NTNG1: variants seen among roughly 807,000 people sequenced by gnomAD.
NTNG1 encodes netrin-G1.
In NTNG1, 16 loss-of-function variants were observed where a neutral mutation model predicts 54.0. The ratio of observed to expected loss-of-function variants is 0.30; its 90% CI spans 0.20 to 0.45. The LOEUF (loss-of-function observed/expected upper bound fraction) is 0.45, where lower values mean the gene tolerates loss of function less well. Ranked by LOEUF, NTNG1 falls within the 20% of genes least tolerant of loss-of-function variation. The pLI is 1.00. For missense variants in NTNG1, 530 were observed against 678.7 expected (o/e 0.78, Z 2.43); for synonymous variants, 255 against 263.1 (o/e 0.97, Z 0.30).
chr1:107,196,293 T>TG (rs1658320295), intron 2 of NTNG1, among the ~76,000 whole-genome samples: 1 of 152,016 alleles, frequency 6.6e-6, no homozygotes, highest in Admixed American at 6.6e-5. Flanking sequence ...CTAGGCTCTC[T>TG]GAGCCTCAGC....
At chr1:107,475,273 C>G (rs1253761631) in intron 7 of NTNG1, among the ~76,000 whole-genome samples, 2 of 152,146 alleles carry the variant, frequency 1.3e-5, no homozygotes, top group Non-Finnish European at 2.9e-5. Flanking sequence ...CCACATTTCT[C>G]CTGATTGTTC....
rs2819985 is a variant in NTNG1, at chr1:107,394,926, T to C, written c.888-228T>C. 7.5e-3 allele frequency among the ~76,000 whole-genome samples: 1,148 copies of C among 152,242 alleles called. 10 individuals are homozygous for C. Among genetic ancestry groups the C allele is most frequent in the African/African-American group, 0.024 (1,013 of 41,548 alleles). ...CCCACTGACTTGACTGCTATTCGGC[T>C]TTCTCAATGTACAGTGTAAGGACAG... On this transcript the variant is annotated intron_variant, in intron 3 of 7. Transcript: ENST00000370068.
At position 107,269,377 on chromosome 1, in the gene NTNG1, A is replaced by T. The variant is rs187953012; in HGVS notation, c.247-54905A>T. ...AAATCTTACTTTATCACCTAATTAA[A>T]ATAGTATCCTCATTTCTACCCTTGG... On this transcript the variant is annotated intron_variant, in intron 2 of 7. Coordinates refer to ENST00000370068, the MANE Select transcript of NTNG1 (RefSeq NM_001113226.3). 3.4e-4 allele frequency among the ~76,000 whole-genome samples: 52 copies of T among 152,232 alleles called. No homozygotes were observed. In the East Asian group the frequency reaches 9.5e-3, roughly 28 times the overall value.
At chr1:107,286,311 T>C (rs1192938700) in intron 2 of NTNG1, among the ~76,000 whole-genome samples, 1 of 152,154 alleles carries the variant, frequency 6.6e-6, no homozygotes, top group East Asian at 1.9e-4. Context: ...TTCATATTTC[T>C]CAGTAACAAC....
chr1:107,154,749 G>GAT (rs34011515), intron 2 of NTNG1, among the ~76,000 whole-genome samples: 1,598 of 147,380 alleles, frequency 0.011, 13 homozygotes, highest in Admixed American at 0.012. Flanking sequence ...TAAAGAACCT[G>GAT]ATATATATAT....
chr1:107,229,352 G>A (rs955699794), intron 2 of NTNG1, among the ~76,000 whole-genome samples: 4 of 149,044 alleles, frequency 2.7e-5, no homozygotes, highest in Admixed American at 6.8e-5. Context: ...AAGACAGCAA[G>A]CATTACTAAA....
At chr1:107,258,798 G>A (rs964981341) in intron 2 of NTNG1, among the ~76,000 whole-genome samples, 1 of 152,178 alleles carries the variant, frequency 6.6e-6, no homozygotes, top group Non-Finnish European at 1.5e-5. Context: ...TTTGGCAGGC[G>A]CAATCTTGAG....
chr1:107,403,691 C>T (rs1404088173), intron 4 of NTNG1: 1 of 140,430 alleles, frequency 7.1e-6, no homozygotes, highest in East Asian at 2.1e-4. Context: ...GCCTGGATGA[C>T]AAGACTCTGT....
At chr1:107,198,200 G>A (rs947846057) in intron 2 of NTNG1, among the ~76,000 whole-genome samples, 1 of 151,948 alleles carries the variant, frequency 6.6e-6, no homozygotes, top group Admixed American at 6.6e-5. Flanking sequence ...CTTTAGGTGT[G>A]ATAATGGTGT....
chr1:107,448,135 C>T (rs1676413826), intron 7 of NTNG1, among the ~76,000 whole-genome samples: 1 of 152,046 alleles, frequency 6.6e-6, no homozygotes, highest in African/African-American at 2.4e-5. Flanking sequence ...GCTTGCTTTT[C>T]TGATCATAGT....
chr1:107,399,012 C>A (rs1040255903), intron 4 of NTNG1, among the ~76,000 whole-genome samples: 8 of 152,156 alleles, frequency 5.3e-5, no homozygotes, highest in Admixed American at 1.3e-4. Flanking sequence ...GGAATCCTAA[C>A]TTCAGCAAAT....
At chr1:107,367,543 C>T (rs936442807) in intron 3 of NTNG1, among the ~76,000 whole-genome samples, 10 of 152,138 alleles carry the variant, frequency 6.6e-5, no homozygotes, top group African/African-American at 2.4e-4. Context: ...CCTGTGGATC[C>T]CTGTTGCATC....
At chr1:107,297,192 T>G (rs900472021) in intron 2 of NTNG1, among the ~76,000 whole-genome samples, 1 of 140,986 alleles carries the variant, frequency 7.1e-6, no homozygotes, top group African/African-American at 2.6e-5. Flanking sequence ...ATCATATATA[T>G]ATAACATCAT....
chr1:107,436,762 G>T lies in NTNG1; in HGVS notation c.1353G>T (p.Glu451Asp). 6.2e-7 allele frequency: 1 copy of T among 1,613,524 alleles called. No individual in the cohort carries two copies. Among genetic ancestry groups the T allele is most frequent in the Non-Finnish European group, 8.5e-7 (1 of 1,179,618 alleles). The part of the protein sequence containing the change: ...KTGTTGPKCD[E>D]CLPGNSWHYG... ...GAACAACAGGGCCTAAGTGTGATGA[G>T]TGTCTGCCGGGAAATTCCTGGCACT... The change falls in exon 7 of 8, where the codon GAG (glutamate) becomes GAT (aspartate). Residue 451 changes from glutamate to aspartate, a missense_variant. By Grantham distance (45) the Glu-to-Asp change is conservative. Coordinates refer to ENST00000370068, the MANE Select transcript of NTNG1 (RefSeq NM_001113226.3).
At chr1:107,259,342 C>G (rs74108676) in intron 2 of NTNG1, among the ~76,000 whole-genome samples, 2 of 151,872 alleles carry the variant, frequency 1.3e-5, no homozygotes, top group Non-Finnish European at 2.9e-5. Flanking sequence ...GGAAAAAGCT[C>G]GGTGCTATAA....
At chr1:107,337,230 C>T (rs1024835810) in intron 3 of NTNG1, among the ~76,000 whole-genome samples, 3 of 151,890 alleles carry the variant, frequency 2.0e-5, no homozygotes, top group African/African-American at 7.3e-5. Context: ...GATGGATCAG[C>T]GGAAAACCAA....
At chr1:107,140,883 A>T (rs1435665080), upstream of NTNG1, 1 of 152,834 alleles carries the variant, frequency 6.5e-6, no homozygotes, top group Non-Finnish European at 1.5e-5. Flanking sequence ...AGAGCCGGCG[A>T]GCAGGGGACT....
intron 2 of NTNG1, among the ~76,000 whole-genome samples, chr1:107,174,989 A>G (rs776401532): frequency 1.3e-5 from 2 of 152,092 alleles, no homozygotes; most frequent in Admixed American, 1.3e-4. Context: ...TATTGATTTG[A>G]TCATTGTATG....
intron 7 of NTNG1, among the ~76,000 whole-genome samples, chr1:107,438,470 G>A (rs1675748899): frequency 6.6e-6 from 1 of 152,206 alleles, no homozygotes; most frequent in Non-Finnish European, 1.5e-5. Context: ...AGGGCTCAGA[G>A]TGAAGCTATC....
Sources: gnomAD v4.1 joint callset for allele counts (sites outside exome capture counted in the v4.1 genomes callset) on GRCh38, gnomAD v4.1.1 for gene constraint, MANE v1.5 for transcripts, NCBI Gene and HGNC (gene_info 2026-07-23, HGNC 2026-07-21) for gene names.